Variants in CMSS1 observed in about 807,000 individuals in gnomAD.
CMSS1 encodes the protein protein CMSS1.
Under a neutral mutation model 43.5 loss-of-function variants are expected in CMSS1, and 33 were observed. That is an observed-to-expected ratio of 0.76 (90% confidence interval 0.57 to 1.01). The LOEUF (loss-of-function observed/expected upper bound fraction) is 1.01. Ranked by LOEUF, CMSS1 falls within the 50% of genes least tolerant of loss-of-function variation. The pLI is 0.00. For missense variants in CMSS1, 313 were observed against 326.4 expected (o/e 0.96, Z 0.32); for synonymous variants, 115 against 117.2 (o/e 0.98, Z 0.12).
chr3:99,999,234 GA>G (rs1709773245), intron 1 of CMSS1, among the ~76,000 whole-genome samples: 1 of 152,150 alleles, frequency 6.6e-6, no homozygotes, highest in African/African-American at 2.4e-5. Context: ...TAGAAAGTGT[GA>G]TAAGCTCTCA....
At chr3:99,880,035 A>G (rs1258157690) in intron 1 of CMSS1, among the ~76,000 whole-genome samples, 1 of 152,106 alleles carries the variant, frequency 6.6e-6, no homozygotes, top group Admixed American at 6.5e-5. Context: ...TGAGCACTGG[A>G]TAACCTTGCC....
intron 1 of CMSS1, among the ~76,000 whole-genome samples, chr3:99,819,995 T>C (rs1238034726): frequency 1.1e-4 from 16 of 151,770 alleles, no homozygotes; most frequent in African/African-American, 3.9e-4. Flanking sequence ...CCTCGTGATC[T>C]GCCCACCTCG....
intron 1 of CMSS1, among the ~76,000 whole-genome samples, chr3:100,123,145 G>GA (rs1435106305): frequency 2.6e-5 from 4 of 152,230 alleles, no homozygotes; most frequent in African/African-American, 9.6e-5. Context: ...GAAAGGAAGA[G>GA]AAAATCATGA....
chr3:100,103,207 G>C (rs1267610569), intron 1 of CMSS1, among the ~76,000 whole-genome samples: 1 of 152,200 alleles, frequency 6.6e-6, no homozygotes, highest in Non-Finnish European at 1.5e-5. Flanking sequence ...AGACCAAGCA[G>C]CTTTTTGAAA....
At chr3:100,100,461 G>A (rs2066285296) in intron 1 of CMSS1, among the ~76,000 whole-genome samples, 1 of 152,078 alleles carries the variant, frequency 6.6e-6, no homozygotes, top group Non-Finnish European at 1.5e-5. Context: ...GCACAGTGAG[G>A]CCATATGCAT....
rs753091051 is a variant in CMSS1, at chr3:100,178,356, A to G, written c.808A>G (p.Lys270Glu). Reference protein sequence around the residue: ...LLEMGVLSLCKSESLKLGLF With the variant: ...LLEMGVLSLCESESLKLGLF ...GGAAATGGGAGTGCTCAGTCTGTGC[A>G]AGTCAGAATCCTTGAAACTGGGCCT... is the stretch of plus-strand genomic sequence containing the variant. The change falls in exon 10 of 10, where the codon AAG becomes GAG. Residue 270 changes from lysine (K) to glutamate (E), a missense_variant. Transcript: ENST00000421999. 1 of 1,613,154 alleles carries G rather than the reference A, an allele frequency of 6.2e-7. No individual in the cohort carries two copies. The highest frequency in any genetic ancestry group is 1.3e-5 in the African/African-American group (1 of 74,908).
chr3:100,168,774 T>G (rs2067085195), intron 6 of CMSS1, among the ~76,000 whole-genome samples: 1 of 151,590 alleles, frequency 6.6e-6, no homozygotes. Flanking sequence ...TAGTTCTGAA[T>G]TCTTATGGGA....
chr3:100,001,036 A>G (rs893482958), intron 1 of CMSS1, among the ~76,000 whole-genome samples: 1 of 152,158 alleles, frequency 6.6e-6, no homozygotes, highest in Non-Finnish European at 1.5e-5. Flanking sequence ...GAATTGTTCT[A>G]TATTTCACAC....
At chr3:100,125,947 A>G (rs1186370513) in intron 1 of CMSS1, among the ~76,000 whole-genome samples, 1 of 152,248 alleles carries the variant, frequency 6.6e-6, no homozygotes, top group Non-Finnish European at 1.5e-5. Context: ...AAAAACAGCC[A>G]TTATAAGGAA....
At chr3:99,944,501 A>T (rs1254834200) in intron 1 of CMSS1, among the ~76,000 whole-genome samples, 3 of 152,228 alleles carry the variant, frequency 2.0e-5, no homozygotes, top group Non-Finnish European at 4.4e-5. Context: ...TGCAGGCACA[A>T]TGCTAAGGCA....
intron 1 of CMSS1, among the ~76,000 whole-genome samples, chr3:100,030,024 A>T (rs896796903): frequency 6.6e-6 from 1 of 152,146 alleles, no homozygotes; most frequent in African/African-American, 2.4e-5. Flanking sequence ...TTTCTCTAGC[A>T]TGGAATGGAA....
At chr3:100,101,188 G>A (rs1476197705) in intron 1 of CMSS1, among the ~76,000 whole-genome samples, 1 of 152,128 alleles carries the variant, frequency 6.6e-6, no homozygotes, top group East Asian at 1.9e-4. Flanking sequence ...CTGAGACAGC[G>A]TTATACTAAG....
At position 100,163,276 on chromosome 3, in the gene CMSS1, C is replaced by G. The variant is rs2067040584; in HGVS notation, c.355+844C>G. On this transcript the variant is annotated intron_variant, in intron 4 of 9. Coordinates refer to ENST00000421999, the MANE Select transcript of CMSS1 (RefSeq NM_032359.4). The stretch of plus-strand genomic sequence containing the variant: ...CAACTATTATAGACAAGAACTTTAG[C>G]CTTAATAAGCAATTTAGTTTTGTTG... Among the ~76,000 whole-genome samples the G allele has an allele frequency of 3.9e-5, 6 of 152,212 alleles. No individual in the cohort carries two copies. In the South Asian group the frequency reaches 1.2e-3, roughly 32 times the overall value.
rs1162519881 is a variant in CMSS1 at position 100,133,807 on chromosome 3, C to T, written c.65-13166C>T. ...TCAATAGGAAACTTTAAGGATGAAG[C>T]AATGAAGGACCTTGTCCTAAGCTAT... On this transcript the variant is annotated intron_variant, in intron 1 of 9. Transcript: ENST00000421999. Among the ~76,000 whole-genome samples the T allele has an allele frequency of 2.0e-5, 3 of 152,152 alleles. No homozygotes were observed. In the East Asian group the frequency reaches 5.8e-4, roughly 29 times the overall value.
Position 100,179,065 on chromosome 3 carries a change from G to A in CMSS1, c.*677G>A, listed in dbSNP as rs1156624135. The A allele has an allele frequency of 2.0e-5, 3 of 152,594 alleles. No homozygotes were observed. Among genetic ancestry groups the A allele is most frequent in the African/African-American group, 7.2e-5 (3 of 41,430 alleles). 9.5% of individuals were successfully genotyped at this position (152,594 alleles called of 1,614,324 possible). ...AATGCCACACACTTTTAAACGACTA[G>A]ATCTTGTGAGAACTCACTCCCTATC... On this transcript the variant is annotated 3_prime_UTR_variant, in exon 10 of 10. Coordinates refer to ENST00000421999, the MANE Select transcript of CMSS1 (RefSeq NM_032359.4).
chr3:100,014,583 A>T (rs1710263414), intron 1 of CMSS1, among the ~76,000 whole-genome samples: 1 of 151,984 alleles, frequency 6.6e-6, no homozygotes, highest in African/African-American at 2.4e-5. Flanking sequence ...TGTTTCCCTG[A>T]TGTCTAGTGA....
chr3:99,968,728 TGAGAG>T (rs2094046020), intron 1 of CMSS1, among the ~76,000 whole-genome samples: 3 of 151,790 alleles, frequency 2.0e-5, no homozygotes, highest in South Asian at 2.1e-4. Flanking sequence ...TAAGAAAAAA[TGAGAG>T]GAGAGAATTG....
At chr3:99,956,020 C>A (rs1386719221) in intron 1 of CMSS1, among the ~76,000 whole-genome samples, 1 of 152,200 alleles carries the variant, frequency 6.6e-6, no homozygotes, top group Non-Finnish European at 1.5e-5. Context: ...GTGCCTGCCA[C>A]TTCAGAGTTA....
At chr3:99,990,122 A>C (rs1301982089) in intron 1 of CMSS1, among the ~76,000 whole-genome samples, 18 of 152,194 alleles carry the variant, frequency 1.2e-4, no homozygotes. Flanking sequence ...TTTACCCAGC[A>C]GCTATTGTAT....
Sources: allele counts gnomAD v4.1 joint callset (sites outside exome capture counted in the v4.1 genomes callset), GRCh38; gene constraint gnomAD v4.1.1; transcripts MANE v1.5; gene names NCBI Gene and HGNC (gene_info 2026-07-23, HGNC 2026-07-21).